The following SYNRG variants were observed in gnomAD, a reference collection of about 807,000 sequenced individuals.
SYNRG encodes the protein AP1 gamma subunit binding protein 1.
A neutral mutation model predicts 130.9 loss-of-function variants in SYNRG; 37 were observed. That is an observed-to-expected ratio of 0.28 (90% CI 0.22 to 0.37). The LOEUF is 0.37. Ranked by LOEUF, SYNRG falls within the 10% of genes least tolerant of loss-of-function variation. The pLI is 1.00. For missense variants in SYNRG, 1,338 were observed against 1,588.9 expected (o/e 0.84, Z 2.68); for synonymous variants, 539 against 568.1 (o/e 0.95, Z 0.73).
rs149273118 is a variant in SYNRG, at chr17:37,559,226, G to T, written c.1663+1969C>A. 1.3e-4 allele frequency among the ~76,000 whole-genome samples: 20 copies of T among 152,270 alleles called. 1 individual carries two copies. The highest frequency in any genetic ancestry group is 4.3e-4 in the African/African-American group (18 of 41,534). On this transcript the variant is annotated intron_variant, in intron 13 of 21. Coordinates refer to ENST00000612223, the MANE Select transcript of SYNRG (RefSeq NM_007247.6). ...AGTACTGTAATACACCTCTGTGAAT[G>T]TATCTTGTACCTGCTTTGTGATATG...
intron 3 of SYNRG, among the ~76,000 whole-genome samples, chr17:37,590,430 C>A (rs1331661670): frequency 6.6e-6 from 1 of 152,020 alleles, no homozygotes; most frequent in African/African-American, 2.4e-5. Flanking sequence ...ATCAAAACAG[C>A]AAAACATTAG....
At chr17:37,549,074 G>T (rs1431090266) in intron 14 of SYNRG, among the ~76,000 whole-genome samples, 4 of 150,392 alleles carry the variant, frequency 2.7e-5, no homozygotes, top group African/African-American at 7.4e-5. Flanking sequence ...GACAGAGGTT[G>T]CAGTGAGCTG....
Position 37,518,957 on chromosome 17 carries a change from G to C in SYNRG, c.3928C>G (p.Leu1310Val). 6.2e-7 allele frequency: 1 copy of C among 1,614,114 alleles called. No individual in the cohort carries two copies. Among genetic ancestry groups the C allele is most frequent in the South Asian group, 1.1e-5 (1 of 91,088 alleles). The change falls in exon 22 of 22, where the codon CTG becomes GTG. Residue 1310 changes from leucine (L) to valine (V), a missense_variant. By Grantham distance (32) the Leu-to-Val change is conservative. Around this residue, in one of 3 missense-constraint regions of SYNRG, gnomAD observed 1,146 missense variants for 1,342.3 expected, o/e 0.85. Transcript: ENST00000612223. ...GGAGTTGTTCAGAGCAGGTCAGGCA[G>C]GACGAGGCCAGGAGGCTTTGGTTCG... ...CVEPKPPGLV[L>V]PDLL
chr17:37,535,007 G>A (rs1320262714), intron 19 of SYNRG, among the ~76,000 whole-genome samples: 1 of 152,026 alleles, frequency 6.6e-6, no homozygotes, highest in Non-Finnish European at 1.5e-5. Context: ...GAATAGGTAT[G>A]AATATATAAA....
chr17:37,544,944 C>A (rs758668621), intron 14 of SYNRG, among the ~76,000 whole-genome samples: 2 of 151,822 alleles, frequency 1.3e-5, no homozygotes, highest in African/African-American at 4.8e-5. Context: ...TGGTGGCTCA[C>A]AGCACTTTGG....
At chr17:37,562,867 G>A (rs1205146316) in intron 11 of SYNRG, among the ~76,000 whole-genome samples, 1 of 152,200 alleles carries the variant, frequency 6.6e-6, no homozygotes, top group South Asian at 2.1e-4. Flanking sequence ...AAAGTTGAAT[G>A]ATTTCTTTAT....
intron 1 of SYNRG, among the ~76,000 whole-genome samples, chr17:37,603,628 T>G (rs1418447290): frequency 9.2e-5 from 14 of 152,196 alleles, no homozygotes; most frequent in Non-Finnish European, 2.9e-5. Flanking sequence ...AGGCACATTG[T>G]CAAGAAGCAG....
chr17:37,571,161 A>G (rs2060405948), intron 9 of SYNRG, among the ~76,000 whole-genome samples: 1 of 152,226 alleles, frequency 6.6e-6, no homozygotes, highest in Admixed American at 6.5e-5. Flanking sequence ...ACTTTGCAAT[A>G]AAAGAAAAAT....
intron 10 of SYNRG, among the ~76,000 whole-genome samples, chr17:37,570,017 C>G (rs770801304): frequency 6.6e-6 from 1 of 152,018 alleles, no homozygotes; most frequent in Non-Finnish European, 1.5e-5. Context: ...GCTATTTCTA[C>G]TTTTTACTCT....
Position 37,584,664 on chromosome 17 carries a change from C to T in SYNRG, c.573G>A (p.Ser191=), listed in dbSNP as rs577678402. ...TAAAACTACCTGGTTTCTTGGGGTGCGATGCTGGAGTAGGGTGCATTTTTG... is the reference window on the plus strand; with the variant it reads ...TAAAACTACCTGGTTTCTTGGGGTGTGATGCTGGAGTAGGGTGCATTTTTG... The part of the protein sequence containing the change: ...RDAKMHPTPA[S]HPKKPGPSLE... Residue 191 remains serine, a synonymous_variant, in exon 6 of 22, where the codon TCG becomes TCA. Coordinates refer to ENST00000612223, the MANE Select transcript of SYNRG (RefSeq NM_007247.6). 46 of 1,612,664 alleles carry T rather than the reference C, an allele frequency of 2.9e-5. No individual in the cohort carries two copies. In the South Asian group the frequency reaches 3.2e-4, roughly 11 times the overall value.
chr17:37,555,387 A>C (rs987791558), intron 13 of SYNRG, among the ~76,000 whole-genome samples: 1 of 152,202 alleles, frequency 6.6e-6, no homozygotes, highest in African/African-American at 2.4e-5. Flanking sequence ...TCGGCCTCCC[A>C]AAGTGCTGGG....
intron 11 of SYNRG, chr17:37,568,279 T>C (rs1346746572): frequency 6.6e-6 from 1 of 152,308 alleles, no homozygotes; most frequent in South Asian, 2.1e-4. Flanking sequence ...TGTAAAACCT[T>C]AGAGAAATGT....
intron 1 of SYNRG, among the ~76,000 whole-genome samples, chr17:37,607,955 CAAAAAAAAAAAA>C (rs67822733): frequency 3.1e-4 from 16 of 51,122 alleles, no homozygotes; most frequent in African/African-American, 1.6e-4. Context: ...GACTTCCTCT[CAAAAAAAAAAAA>C]AAAAAAAAAA....
At chr17:37,522,385 G>A (rs751296154) in intron 19 of SYNRG, among the ~76,000 whole-genome samples, 1 of 151,998 alleles carries the variant, frequency 6.6e-6, no homozygotes, top group Non-Finnish European at 1.5e-5. Context: ...GGCTGATCCT[G>A]AACTCCTGGG....
intron 8 of SYNRG, among the ~76,000 whole-genome samples, chr17:37,573,779 G>A (rs1479561802): frequency 6.6e-6 from 1 of 152,148 alleles, no homozygotes; most frequent in African/African-American, 2.4e-5. Flanking sequence ...CCATGTTCAT[G>A]TTTTGGAATA....
chr17:37,520,303 C>T, intron 20 of SYNRG, 89 bp from the exon 21 acceptor site: 1 of 1,531,444 alleles, frequency 6.5e-7, no homozygotes, highest in Non-Finnish European at 9.0e-7. Flanking sequence ...CACCCTTTTC[C>T]CCTGACCTCC....
At chr17:37,571,679 A>G (rs1019316360) in intron 9 of SYNRG, 112 bp downstream of exon 9, 54 of 961,468 alleles carry the variant, frequency 5.6e-5, no homozygotes, top group Non-Finnish European at 7.7e-5. Context: ...TATCCTGAAA[A>G]TGATCTAAAT....
intron 14 of SYNRG, among the ~76,000 whole-genome samples, chr17:37,551,458 G>A (rs1265166408): frequency 6.6e-6 from 1 of 152,078 alleles, no homozygotes; most frequent in Non-Finnish European, 1.5e-5. Context: ...GCTCCAAGCT[G>A]AGGATGTTCC....
chr17:37,547,350 A>C (rs1446042226), intron 14 of SYNRG, among the ~76,000 whole-genome samples: 1 of 152,158 alleles, frequency 6.6e-6, no homozygotes, highest in Non-Finnish European at 1.5e-5. Flanking sequence ...AAAGACACCA[A>C]ATGAACACAG....
Sources: allele counts gnomAD v4.1 joint callset (sites outside exome capture counted in the v4.1 genomes callset), GRCh38; gene constraint gnomAD v4.1.1; regional missense constraint gnomAD v4.1.1; transcripts MANE v1.5; gene names NCBI Gene and HGNC (gene_info 2026-07-23, HGNC 2026-07-21).